LOC128092253: variants seen among roughly 807,000 people sequenced by gnomAD.
the LOC128092253 span, chr6:133,980,059 CTTTAT>C: frequency 7.3e-7 from 1 of 1,377,900 alleles, no homozygotes. Context: ...AGTTTAATGA[CTTTAT>C]TTTGTTTTAT....
the LOC128092253 span, among the ~76,000 whole-genome samples, chr6:133,969,111 G>C: frequency 1.3e-5 from 2 of 152,078 alleles, no homozygotes; most frequent in Non-Finnish European, 2.9e-5. Context: ...TTTTCAACCA[G>C]AATTTTTGCA....
chr6:133,957,450 A>G, the LOC128092253 span, among the ~76,000 whole-genome samples: 1 of 152,220 alleles, frequency 6.6e-6, no homozygotes. Context: ...TTGTTTTTTA[A>G]CTCACTAGGT....
At chr6:133,977,371 C>G in the LOC128092253 span, among the ~76,000 whole-genome samples, 1 of 152,064 alleles carries the variant, frequency 6.6e-6, no homozygotes, top group Non-Finnish European at 1.5e-5. Flanking sequence ...GAAAAATCAC[C>G]AATTTTGAAT....
At chr6:133,967,199 T>TG in the LOC128092253 span, among the ~76,000 whole-genome samples, 2 of 152,198 alleles carry the variant, frequency 1.3e-5, no homozygotes, top group Non-Finnish European at 2.9e-5. Flanking sequence ...TCCCCTAGTA[T>TG]GGGTCTTAAT....
At chr6:133,959,644 G>T in the LOC128092253 span, among the ~76,000 whole-genome samples, 2 of 151,948 alleles carry the variant, frequency 1.3e-5, no homozygotes, top group African/African-American at 2.4e-5. Flanking sequence ...ACCACACCTG[G>T]CCATTTTTTT....
chr6:133,963,048 T>C, the LOC128092253 span, among the ~76,000 whole-genome samples: 1 of 152,232 alleles, frequency 6.6e-6, no homozygotes, highest in Non-Finnish European at 1.5e-5. Flanking sequence ...AAGTGTGCCA[T>C]TGAATTCAGC....
At chr6:133,954,732 C>A in the LOC128092253 span, among the ~76,000 whole-genome samples, 1 of 152,150 alleles carries the variant, frequency 6.6e-6, no homozygotes, top group Non-Finnish European at 1.5e-5. Context: ...GTTCCCCACC[C>A]CTTTTGTTAA....
chr6:133,961,573 T>G, the LOC128092253 span, among the ~76,000 whole-genome samples: 2 of 150,806 alleles, frequency 1.3e-5, no homozygotes, highest in South Asian at 4.3e-4. Flanking sequence ...AGTTCAAGCA[T>G]TCTTCTGCCT....
the LOC128092253 span, among the ~76,000 whole-genome samples, chr6:133,960,369 G>A: frequency 9.5e-3 from 1,440 of 151,370 alleles, 33 homozygotes; most frequent in African/African-American, 0.032. Flanking sequence ...TATTGCTAAT[G>A]GAAATCTGTA....
chr6:133,966,824 G>A, the LOC128092253 span, among the ~76,000 whole-genome samples: 4 of 149,826 alleles, frequency 2.7e-5, no homozygotes, highest in South Asian at 6.3e-4. Flanking sequence ...TCAAACCACA[G>A]TACTACCACT....
chr6:133,969,066 C>T, the LOC128092253 span: 2 of 152,086 alleles, frequency 1.3e-5, no homozygotes, highest in Non-Finnish European at 2.9e-5. Context: ...GACAGGTTTT[C>T]AATTATATCT....
At chr6:133,974,779 C>A in the LOC128092253 span, among the ~76,000 whole-genome samples, 3 of 152,148 alleles carry the variant, frequency 2.0e-5, no homozygotes, top group Non-Finnish European at 2.9e-5. Context: ...CTTTCAACAT[C>A]GTTTGATATT....
the LOC128092253 span, among the ~76,000 whole-genome samples, chr6:133,962,655 G>A: frequency 6.6e-6 from 1 of 152,226 alleles, no homozygotes; most frequent in Admixed American, 6.5e-5. Context: ...CAGGATAGAT[G>A]TAGGAGCCAG....
At chr6:133,972,939 G>A in the LOC128092253 span, among the ~76,000 whole-genome samples, 33 of 152,226 alleles carry the variant, frequency 2.2e-4, no homozygotes, top group South Asian at 2.5e-3. Context: ...TTTAGAGAGC[G>A]GTTAGGTAAG....
chr6:133,968,653 TCTTAGC>T, the LOC128092253 span, among the ~76,000 whole-genome samples: 2 of 152,162 alleles, frequency 1.3e-5, no homozygotes, highest in South Asian at 4.2e-4. Context: ...ATGTCTACTG[TCTTAGC>T]ATCCAAGTTT....
the LOC128092253 span, among the ~76,000 whole-genome samples, chr6:133,973,566 C>G: frequency 6.6e-6 from 1 of 152,060 alleles, no homozygotes; most frequent in Non-Finnish European, 1.5e-5. Flanking sequence ...GTCGTAAAAG[C>G]CAGAAGGTGG....
the LOC128092253 span, among the ~76,000 whole-genome samples, chr6:133,966,928 T>C: frequency 6.6e-6 from 1 of 152,248 alleles, no homozygotes; most frequent in Admixed American, 6.5e-5. Context: ...GATACATTTT[T>C]ATAATGCAAA....
the LOC128092253 span, among the ~76,000 whole-genome samples, chr6:133,976,797 G>A: frequency 1.3e-5 from 2 of 152,102 alleles, no homozygotes; most frequent in Middle Eastern, 3.4e-3. Context: ...GAGCAACCTG[G>A]CCAAGATGGT....
At chr6:133,976,021 T>C in the LOC128092253 span, among the ~76,000 whole-genome samples, 1 of 152,166 alleles carries the variant, frequency 6.6e-6, no homozygotes, top group African/African-American at 2.4e-5. Context: ...CACATTCCCC[T>C]TGGAATCTAT....
Sources: allele counts gnomAD v4.1 joint callset (sites outside exome capture counted in the v4.1 genomes callset), GRCh38; gene constraint gnomAD v4.1.1; transcripts MANE v1.5.